The following NIPA2 variants were observed in gnomAD, a reference collection of about 807,000 sequenced individuals.
NIPA2 encodes the protein magnesium transporter NIPA2.
A neutral mutation model predicts 29.7 loss-of-function variants in NIPA2; 11 were observed. The ratio of observed to expected loss-of-function variants is 0.37; its 90% CI spans 0.23 to 0.61. NIPA2 has a LOEUF of 0.61. Among genes scored for constraint, NIPA2 ranks in the 20% least tolerant of loss-of-function variants. The probability of loss-of-function intolerance (pLI) is 0.66; values close to 1 mark genes in which losing one functional copy is unlikely to be tolerated. For synonymous variants in NIPA2, 183 were observed against 161.9 expected, an observed-to-expected ratio of 1.13 and a Z score of -0.99; for missense variants, 426 against 437.9, an observed-to-expected ratio of 0.97 and a Z score of 0.24.
intron 3 of NIPA2, among the ~76,000 whole-genome samples, chr15:22,846,161 C>G (rs1446107394): frequency 6.6e-6 from 1 of 152,148 alleles, no homozygotes; most frequent in Non-Finnish European, 1.5e-5. Context: ...CTGCGGGAGG[C>G]AAGGCTTTGT....
chr15:22,863,120 C>A (rs1319943457), intron 7 of NIPA2, among the ~76,000 whole-genome samples: 1 of 151,302 alleles, frequency 6.6e-6, no homozygotes, highest in Non-Finnish European at 1.5e-5. Flanking sequence ...TCGCCGTCAC[C>A]CAGGCTGGAG....
In NIPA2 at chr15:22,860,709, C is replaced by T. The variant is rs752454698; in HGVS notation, c.368C>T (p.Ser123Phe). 3 of 1,601,436 alleles carry T rather than the reference C, an allele frequency of 1.9e-6. No individual in the cohort carries two copies. In the East Asian group the frequency reaches 6.8e-5, roughly 36 times the overall value. The part of the protein sequence containing the change: ...KIGCLLSILG[S>F]TVMVIHAPKE... ...GGGTGTTTGCTAAGTATTCTAGGAT[C>T]TACAGTTATGGTCATTCATGCTCCA... Residue 123 changes from serine (S) to phenylalanine (F), a missense_variant, in exon 7 of 8, where the codon TCT becomes TTT. Physicochemically the swap from Ser to Phe is radical, Grantham distance 155. Around this residue, in one of 3 missense-constraint regions of NIPA2, gnomAD observed 357 missense variants for 339.8 expected, o/e 1.05. Transcript: ENST00000337451.
At chr15:22,854,077 G>C (rs890824807) in intron 5 of NIPA2, among the ~76,000 whole-genome samples, 1 of 151,504 alleles carries the variant, frequency 6.6e-6, no homozygotes, top group African/African-American at 2.4e-5. Context: ...CGCCCACCTT[G>C]GCCTCCCAAA....
chr15:22,862,347 C>T (rs1157001105), intron 7 of NIPA2, among the ~76,000 whole-genome samples: 2 of 152,102 alleles, frequency 1.3e-5, no homozygotes, highest in South Asian at 4.1e-4. Context: ...TGTGCCTGGC[C>T]TGATCTGAAA....
chr15:22,858,506 T>TA (rs767218582), intron 5 of NIPA2, 34 bp from the exon 6 acceptor site: 1 of 1,450,852 alleles, frequency 6.9e-7, no homozygotes. Context: ...CATACATTCT[T>TA]ACCTGAGTTT....
intron 6 of NIPA2, among the ~76,000 whole-genome samples, chr15:22,859,917 T>C (rs1298195279): frequency 6.6e-6 from 1 of 152,168 alleles, no homozygotes; most frequent in East Asian, 1.9e-4. Context: ...TAAAACCTGA[T>C]AATGTAATAG....
chr15:22,855,960 G>A (rs548477312), intron 5 of NIPA2, among the ~76,000 whole-genome samples: 162 of 152,202 alleles, frequency 1.1e-3, no homozygotes, highest in South Asian at 1.7e-3. Context: ...AGTTCAAAAC[G>A]GTGTGATCCA....
At chr15:22,855,572 A>G (rs1266513645) in intron 5 of NIPA2, among the ~76,000 whole-genome samples, 2 of 152,166 alleles carry the variant, frequency 1.3e-5, no homozygotes, top group Non-Finnish European at 2.9e-5. Flanking sequence ...CATGAAGCTT[A>G]CATTCTAGGT....
intron 7 of NIPA2, 99 bp downstream of exon 7, chr15:22,860,888 C>T (rs1426416635): frequency 6.0e-6 from 5 of 836,782 alleles, no homozygotes; most frequent in Non-Finnish European, 9.2e-6. Context: ...GAAATTGTTC[C>T]ACCTGGTAGA....
chr15:22,858,892 A>G (rs966726776), intron 6 of NIPA2, among the ~76,000 whole-genome samples: 16 of 152,106 alleles, frequency 1.1e-4, no homozygotes, highest in African/African-American at 3.9e-4. Flanking sequence ...TAATATTCAA[A>G]GTTGGCTGGG....
chr15:22,866,631 C>A lies in NIPA2; in HGVS notation c.867C>A (p.Ile289=), dbSNP rs1431473388. ...GTACTTTGAGTGGCTTCTTTACAAT[C>A]ATTGTGGGGATATTCTTGTTGCATG... is the stretch of plus-strand genomic sequence containing the variant. ...VIGTLSGFFT[I]IVGIFLLHAF... Residue 289 remains isoleucine, a synonymous_variant, in exon 8 of 8, where the codon ATC becomes ATA. Coordinates refer to ENST00000337451, the MANE Select transcript of NIPA2 (RefSeq NM_030922.7). 6.2e-7 allele frequency: 1 copy of A among 1,614,056 alleles called. No individual in the cohort carries two copies. The highest frequency in any genetic ancestry group is 1.1e-5 in the South Asian group (1 of 91,082).
intron 2 of NIPA2, 31 bp downstream of exon 2, chr15:22,839,821 T>C (rs896106045): frequency 2.0e-5 from 3 of 152,200 alleles, no homozygotes; most frequent in Non-Finnish European, 4.4e-5. Context: ...ATAACTAATA[T>C]TGTTGCATAG....
chr15:22,859,483 G>A (rs1226869714), intron 6 of NIPA2, among the ~76,000 whole-genome samples: 1 of 152,044 alleles, frequency 6.6e-6, no homozygotes, highest in Admixed American at 6.6e-5. Flanking sequence ...TAGTAGAGAT[G>A]TGGTTTCACC....
intron 7 of NIPA2, among the ~76,000 whole-genome samples, chr15:22,861,206 G>A (rs539005033): frequency 1.1e-4 from 16 of 152,060 alleles, no homozygotes; most frequent in Non-Finnish European, 1.9e-4. Context: ...TTTATGAATC[G>A]ATCAATGTAT....
chr15:22,864,505 A>AG (rs1182936403), intron 7 of NIPA2, among the ~76,000 whole-genome samples: 2 of 152,174 alleles, frequency 1.3e-5, no homozygotes, highest in Non-Finnish European at 2.9e-5. Context: ...CAGCAAAAAA[A>AG]GCTTCCAGTT....
chr15:22,849,361 A>C lies in NIPA2; in HGVS notation c.-93-2278A>C, dbSNP rs574570472. ...CAGCTGGAAGCAAGACGGGGTCTCC[A>C]AACTCCCCACCTAAGACTTTTCTCA... On this transcript the variant is annotated intron_variant, in intron 3 of 7. Transcript: ENST00000337451. 7.3e-5 allele frequency among the ~76,000 whole-genome samples: 11 copies of C among 150,940 alleles called. No individual in the cohort carries two copies. In the South Asian group the frequency reaches 2.1e-3, roughly 29 times the overall value.
chr15:22,867,325 T>C lies in NIPA2; in HGVS notation c.*478T>C, dbSNP rs1035323065. The C allele has an allele frequency of 2.5e-6, 1 of 397,556 alleles. No homozygotes were observed. The allele number at this position is 397,556 out of a possible 1,614,324, so 24.6% of individuals were successfully genotyped here. A position where few individuals can be genotyped will look rare whatever the true frequency, so the allele number is the denominator to read the frequency against. Reference sequence around the variant, plus strand: ...CTGTTTGTTTGATGATGATTGGTTTTATTTTTGAAATATTTATTAAGGGAA... The same window carrying C: ...CTGTTTGTTTGATGATGATTGGTTTCATTTTTGAAATATTTATTAAGGGAA... On this transcript the variant is annotated 3_prime_UTR_variant, in exon 8 of 8. Transcript: ENST00000337451.
chr15:22,845,535 T>TA (rs1489891251), intron 3 of NIPA2, among the ~76,000 whole-genome samples: 2 of 152,204 alleles, frequency 1.3e-5, no homozygotes, highest in Non-Finnish European at 2.9e-5. Flanking sequence ...TTAAGGAACT[T>TA]AAAGAGTTTA....
chr15:22,861,468 G>A (rs1411691943), intron 7 of NIPA2, among the ~76,000 whole-genome samples: 5 of 152,060 alleles, frequency 3.3e-5, no homozygotes, highest in Non-Finnish European at 7.4e-5. Context: ...CATTTTGGTG[G>A]TGTCACTCTA....
Sources: allele counts gnomAD v4.1 joint callset (sites outside exome capture counted in the v4.1 genomes callset), GRCh38; gene constraint gnomAD v4.1.1; regional missense constraint gnomAD v4.1.1; transcripts MANE v1.5; gene names NCBI Gene and HGNC (gene_info 2026-07-23, HGNC 2026-07-21).